Variants in RSKR observed in about 807,000 individuals in gnomAD.
RSKR encodes ribosomal protein S6 kinase-related protein.
Under a neutral mutation model 56.8 loss-of-function variants are expected in RSKR, and 44 were observed. That is an observed-to-expected ratio of 0.77 (90% CI 0.61 to 1.00). The LOEUF is 1.00. Ranked by LOEUF, RSKR falls within the 50% of genes least tolerant of loss-of-function variation. The probability of loss-of-function intolerance (pLI) is 0.00; values close to 1 mark genes in which losing one functional copy is unlikely to be tolerated. For missense variants in RSKR, 510 were observed against 506.9 expected, an observed-to-expected ratio of 1.01 and a Z score of -0.06; for synonymous variants, 181 against 188.0, an observed-to-expected ratio of 0.96 and a Z score of 0.30.
In RSKR at chr17:28,611,163, G is replaced by A. The variant is rs907133005; in HGVS notation, c.991C>T (p.Leu331Phe). The change falls in exon 11 of 12, where the codon CTC (leucine) becomes TTC (phenylalanine). Residue 331 changes from leucine (L) to phenylalanine (F), a missense_variant. Coordinates refer to ENST00000301037, the MANE Select transcript of RSKR (RefSeq NM_001174103.2). ...CTTACCTCATGGAGCAGGAGTGAGA[G>A]GCCCTGGTTAAGAGAAGCTGGGATC... ...SEIPASLNQG[L>F]SLLLHELLCQ... The A allele has an allele frequency of 6.5e-7, 1 of 1,536,264 alleles. No individual in the cohort carries two copies. The highest frequency in any genetic ancestry group is 1.2e-5 in the South Asian group (1 of 84,060).
chr17:28,609,598 T>A lies in RSKR; in HGVS notation c.*880A>T, dbSNP rs1183047388. The A allele has an allele frequency of 1.3e-5, 2 of 151,980 alleles. No individual in the cohort carries two copies. Among genetic ancestry groups the A allele is most frequent in the African/African-American group, 4.8e-5 (2 of 41,368 alleles). 9.4% of individuals were successfully genotyped at this position (151,980 alleles called of 1,614,324 possible). A position where few individuals can be genotyped will look rare whatever the true frequency, so the allele number is the denominator to read the frequency against. ...CAGACTATATTTTTTAGCTGCATTATTTAGGGGTTGAAATGCCAGCTTTTG... is the reference window on the plus strand; with the variant it reads ...CAGACTATATTTTTTAGCTGCATTAATTAGGGGTTGAAATGCCAGCTTTTG... On this transcript the variant is annotated 3_prime_UTR_variant, in exon 12 of 12. Transcript: ENST00000301037.
intron 7 of RSKR, 87 bp from the exon 8 acceptor site, chr17:28,611,882 T>C: frequency 6.2e-7 from 1 of 1,612,212 alleles, no homozygotes; most frequent in Non-Finnish European, 8.5e-7. Context: ...GGTGATGCCC[T>C]ACTCAGCACT....
In RSKR at chr17:28,613,628, C is replaced by T. The variant is rs1448345610; in HGVS notation, c.136G>A (p.Gly46Arg). The change falls in exon 2 of 12, where the codon GGA becomes AGA. Residue 46 changes from glycine to arginine, a missense_variant. Gly to Arg is a moderately radical substitution (Grantham distance 125, BLOSUM62 -2). Transcript: ENST00000301037. ...RGWKSLWTGL[G>R]TIRSDLEELW... Reference sequence around the variant, plus strand: ...TCTTCCAGATCTGACCTGATGGTTCCCAAACCTGTCCAGAGGCTCTTCCAG... The same window carrying T: ...TCTTCCAGATCTGACCTGATGGTTCTCAAACCTGTCCAGAGGCTCTTCCAG... 3 of 1,614,130 alleles carry T rather than the reference C, an allele frequency of 1.9e-6. No homozygotes were observed. The Admixed American group carries it at 5.0e-5, about 27-fold the overall frequency.
intron 7 of RSKR, 111 bp from the exon 8 acceptor site, chr17:28,611,906 A>G: frequency 6.2e-7 from 1 of 1,611,308 alleles, no homozygotes; most frequent in Middle Eastern, 1.7e-4. Flanking sequence ...ATCTATACTC[A>G]GAGAGCCCTT....
rs1386265140 is a variant in RSKR, at chr17:28,610,656, T to G, written c.1055A>C (p.His352Pro). The part of the protein sequence containing the change: ...NPLHRLRYLH[H>P]FQVHPFFRGV... ...CCGAAAGAAAGGGTGGACCTGGAAG[T>G]GATGCAGATAACGTAGACGATGGAG... is the stretch of plus-strand genomic sequence containing the variant. The change falls in exon 12 of 12, where the codon CAC becomes CCC. Residue 352 changes from histidine to proline, a missense_variant. Physicochemically the swap from His to Pro is moderately conservative, Grantham distance 77. Transcript: ENST00000301037. The G allele has an allele frequency of 1.3e-6, 2 of 1,535,790 alleles. No homozygotes were observed. Among genetic ancestry groups the G allele is most frequent in the Non-Finnish European group, 1.7e-6 (2 of 1,146,896 alleles).
rs1278650682 is a variant in RSKR at position 28,611,481 on chromosome 17, G to A, written c.812C>T (p.Ala271Val). The A allele has an allele frequency of 3.1e-6, 5 of 1,594,996 alleles. No homozygotes were observed. Among genetic ancestry groups the A allele is most frequent in the Non-Finnish European group, 4.3e-6 (5 of 1,173,730 alleles). The change falls in exon 10 of 12, where the codon GCC becomes GTC. Residue 271 changes from alanine to valine, a missense_variant and splice_region_variant. Physicochemically the swap from Ala to Val is moderately conservative, Grantham distance 64 (BLOSUM62 0). Coordinates refer to ENST00000301037, the MANE Select transcript of RSKR (RefSeq NM_001174103.2). ...AGGTCCTCCACTTAGGACCTCTGGG[G>A]CTACAGATTTCAAAGATACTCATCA... Reference protein sequence around the residue: ...YTICGTLQYMAPEVLSGGPYN... With the variant: ...YTICGTLQYMVPEVLSGGPYN...
In RSKR at chr17:28,609,505, C is replaced by T. The variant is rs1293569058; in HGVS notation, c.*973G>A. 1 of 152,050 alleles carries T rather than the reference C, an allele frequency of 6.6e-6. No homozygotes were observed. The allele number at this position is 152,050 out of a possible 1,614,324, so 9.4% of individuals were successfully genotyped here. The stretch of plus-strand genomic sequence containing the variant: ...ATGTTTCAGTTTCTATTTTCTTCCT[C>T]ACTAGATTATTTTATTCACTTTTCA... On this transcript the variant is annotated 3_prime_UTR_variant, in exon 12 of 12. Coordinates refer to ENST00000301037, the MANE Select transcript of RSKR (RefSeq NM_001174103.2).
At chr17:28,611,026 T>C in intron 11 of RSKR, 117 bp downstream of exon 11, 1 of 903,634 alleles carries the variant, frequency 1.1e-6, no homozygotes, top group Non-Finnish European at 1.7e-6. Context: ...AGTTAGGTAG[T>C]TAAGTTGGAG....
At position 28,613,275 on chromosome 17, in the gene RSKR, A is replaced by C. The variant is rs1567634411; in HGVS notation, c.395T>G (p.Val132Gly). 6.2e-7 allele frequency: 1 copy of C among 1,614,222 alleles called. No individual in the cohort carries two copies. Among genetic ancestry groups the C allele is most frequent in the Non-Finnish European group, 8.5e-7 (1 of 1,180,044 alleles). ...CTACGCCCCTACCTTCACTGCAAATACAGCTTTCTGGGTGCAATCTAGCAC... is the reference window on the plus strand; with the variant it reads ...CTACGCCCCTACCTTCACTGCAAATCCAGCTTTCTGGGTGCAATCTAGCAC... ...LKVLDCTQKAVFAVKVVPKVK... is the reference protein window; with the variant it reads ...LKVLDCTQKAGFAVKVVPKVK... Residue 132 changes from valine to glycine, a missense_variant, in exon 3 of 12, where the codon GTA becomes GGA. Physicochemically the swap from Val to Gly is moderately radical, Grantham distance 109. Transcript: ENST00000301037.
In RSKR at chr17:28,613,320, G is replaced by T. The variant is rs1398036719; in HGVS notation, c.350C>A (p.Ser117Tyr). 14 of 1,614,072 alleles carry T rather than the reference G, an allele frequency of 8.7e-6. No homozygotes were observed. Among genetic ancestry groups the T allele is most frequent in the African/African-American group, 1.3e-5 (1 of 74,918 alleles). Residue 117 changes from serine (S) to tyrosine (Y), a missense_variant, in exon 3 of 12, where the codon TCC becomes TAC. Ser to Tyr is a moderately radical substitution (Grantham distance 144, BLOSUM62 -2). Transcript: ENST00000301037. ...LKILGLVAKG[S>Y]FGTVLKVLDC... The stretch of plus-strand genomic sequence containing the variant: ...TAGCACCTTGAGGACAGTTCCAAAG[G>T]AGCCTTTAGCCACGAGGCCTAAAAT...
Position 28,611,805 on chromosome 17 carries a change from C to T in RSKR, c.694-10G>A. 1 of 1,614,180 alleles carries T rather than the reference C, an allele frequency of 6.2e-7. No homozygotes were observed. The highest frequency in any genetic ancestry group is 8.5e-7 in the Non-Finnish European group (1 of 1,180,022). ...GAAGAATATTCTCCATCTGAAAGAT[C>T]ACAGGTGAGAAGTAATTCTTCCTCT... is the stretch of plus-strand genomic sequence containing the variant. On this transcript the variant is annotated splice_polypyrimidine_tract_variant and intron_variant, in intron 7 of 11. Coordinates refer to ENST00000301037, the MANE Select transcript of RSKR (RefSeq NM_001174103.2).
intron 8 of RSKR, 53 bp downstream of exon 8, chr17:28,611,715 T>C: frequency 6.2e-7 from 1 of 1,613,804 alleles, no homozygotes; most frequent in Non-Finnish European, 8.5e-7. Flanking sequence ...CCATGATTTA[T>C]TCCCAAACCA....
rs1459759804 is a variant in RSKR, at chr17:28,612,346, C to G, written c.568G>C (p.Asp190His). 1 of 1,614,056 alleles carries G rather than the reference C, an allele frequency of 6.2e-7. No individual in the cohort carries two copies. The highest frequency in any genetic ancestry group is 8.5e-7 in the Non-Finnish European group (1 of 1,180,044). ...ACAGCCGACCAAAGGGAGTACAGAT[C>G]TGTGCTGCAGTAGCTACACACTGCA... ...LFIMCSYCST[D>H]LYSLWSAVGC... The change falls in exon 6 of 12, where the codon GAT becomes CAT. Residue 190 changes from aspartate to histidine, a missense_variant. Physicochemically the swap from Asp to His is moderately conservative, Grantham distance 81 (BLOSUM62 -1). Coordinates refer to ENST00000301037, the MANE Select transcript of RSKR (RefSeq NM_001174103.2).
In RSKR at chr17:28,610,557, G is replaced by A; in HGVS notation, c.1154C>T (p.Pro385Leu). ...AAAGGGCATGGTCTCCGCTGAACTG[G>A]GCTGGGTAGCTTGTGTCTCCGTGAC... is the stretch of plus-strand genomic sequence containing the variant. ...NFVTETQATQ[P>L]SSAETMPFDD... The change falls in exon 12 of 12, where the codon CCC (proline) becomes CTC (leucine). Residue 385 changes from proline (P) to leucine (L), a missense_variant. Transcript: ENST00000301037. 2 of 1,536,016 alleles carry A rather than the reference G, an allele frequency of 1.3e-6. No homozygotes were observed. Among genetic ancestry groups the A allele is most frequent in the Non-Finnish European group, 1.7e-6 (2 of 1,146,892 alleles).
At chr17:28,613,211 C>T in intron 3 of RSKR, 51 bp downstream of exon 3, 1 of 1,612,928 alleles carries the variant, frequency 6.2e-7, no homozygotes, top group Non-Finnish European at 8.5e-7. Flanking sequence ...CTCCCAACCT[C>T]TCTGGAATCA....
intron 4 of RSKR, 113 bp downstream of exon 4, chr17:28,612,965 A>T: frequency 8.7e-7 from 1 of 1,151,452 alleles, no homozygotes; most frequent in Non-Finnish European, 1.3e-6. Context: ...GTGTTAAACT[A>T]GGCTGAAGCA....
chr17:28,611,006 G>T, intron 11 of RSKR, 137 bp downstream of exon 11: 1 of 776,496 alleles, frequency 1.3e-6, no homozygotes, highest in Non-Finnish European at 2.1e-6. Flanking sequence ...GTACAGCTTA[G>T]ATGGCAAGTA....
At chr17:28,612,442 A>G in intron 5 of RSKR, 76 bp from the exon 6 acceptor site, 1 of 1,473,920 alleles carries the variant, frequency 6.8e-7, no homozygotes, top group Non-Finnish European at 9.4e-7. Context: ...CCTGGGCTCA[A>G]GGCATTGTAG....
chr17:28,610,907 G>A, intron 11 of RSKR: 2 of 657,556 alleles, frequency 3.0e-6, no homozygotes, highest in South Asian at 4.0e-5. Context: ...TTTCAGATGA[G>A]TGTACAGTGT....
Sources: gnomAD v4.1 joint callset for allele counts on GRCh38, gnomAD v4.1.1 for gene constraint, MANE v1.5 for transcripts, NCBI Gene and HGNC (gene_info 2026-07-23, HGNC 2026-07-21) for gene names.